SYNGR1: variants seen among roughly 807,000 people sequenced by gnomAD.
SYNGR1 encodes the protein synaptogyrin-1.
Under a neutral mutation model 26.1 loss-of-function variants are expected in SYNGR1, and 14 were observed. The ratio of observed to expected loss-of-function variants is 0.54; its 90% CI spans 0.35 to 0.84. The LOEUF (loss-of-function observed/expected upper bound fraction) is 0.84, where lower values mean the gene tolerates loss of function less well. Among genes scored for constraint, SYNGR1 ranks in the 40% least tolerant of loss-of-function variants. The probability of loss-of-function intolerance (pLI) is 0.01; values close to 1 mark genes in which losing one functional copy is unlikely to be tolerated. For missense variants in SYNGR1, 319 were observed against 332.9 expected, an observed-to-expected ratio of 0.96 and a Z score of 0.33; for synonymous variants, 141 against 150.1, an observed-to-expected ratio of 0.94 and a Z score of 0.44.
chr22:39,367,959 C>G (rs1924843728), intron 1 of SYNGR1, among the ~76,000 whole-genome samples: 1 of 152,196 alleles, frequency 6.6e-6, no homozygotes, highest in Non-Finnish European at 1.5e-5. Flanking sequence ...AAAACCTTTT[C>G]CTGCCTTCAG....
intron 1 of SYNGR1, among the ~76,000 whole-genome samples, chr22:39,372,531 A>G (rs1041274273): frequency 9.2e-4 from 126 of 137,080 alleles, no homozygotes; most frequent in African/African-American, 3.4e-3. Context: ...GCTCACTGCA[A>G]CCTCCGCCCA....
intron 3 of SYNGR1, chr22:39,377,379 G>A (rs1015116698): frequency 1.0e-6 from 1 of 985,430 alleles, no homozygotes; most frequent in East Asian, 1.1e-4. Flanking sequence ...GGTGACCCCA[G>A]GGGATCTCAG....
chr22:39,350,173 G>C lies in SYNGR1; in HGVS notation c.99+64G>C. On this transcript the variant is annotated intron_variant, in intron 1 of 3. Transcript: ENST00000328933. The surrounding 1 kb of genome is among the most constrained non-coding windows in gnomAD (Gnocchi z 4.3). The stretch of plus-strand genomic sequence containing the variant: ...TGGTGGGGGTGTGAGCAAAGGCGGC[G>C]CGCCCGGACCGACCCCGACCCCGAC... 8.4e-7 allele frequency: 1 copy of C among 1,194,530 alleles called. No homozygotes were observed. Among genetic ancestry groups the C allele is most frequent in the Non-Finnish European group, 1.1e-6 (1 of 934,340 alleles). The allele number at this position is 1,194,530 out of a possible 1,614,324, so 74.0% of individuals were successfully genotyped here.
chr22:39,384,179 T>C lies in SYNGR1; in HGVS notation c.*2265T>C. On this transcript the variant is annotated 3_prime_UTR_variant, in exon 4 of 4. Transcript: ENST00000328933. ...GAGATGTTCTGACCCTCACCCACTGTCCACCAAAAGCCTCTCCTGCTGATG... is the reference window on the plus strand; with the variant it reads ...GAGATGTTCTGACCCTCACCCACTGCCCACCAAAAGCCTCTCCTGCTGATG... 1 of 220,386 alleles carries C rather than the reference T, an allele frequency of 4.5e-6. No individual in the cohort carries two copies. The highest frequency in any genetic ancestry group is 8.9e-6 in the Non-Finnish European group (1 of 112,938). 13.7% of individuals were successfully genotyped at this position (220,386 alleles called of 1,614,324 possible).
At chr22:39,360,572 C>T (rs1924423440) in intron 1 of SYNGR1, among the ~76,000 whole-genome samples, 1 of 152,038 alleles carries the variant, frequency 6.6e-6, no homozygotes, top group African/African-American at 2.4e-5. Context: ...ATGTGGACGC[C>T]CTCACCCCGC....
chr22:39,377,512 G>A lies in SYNGR1; in HGVS notation c.483+1315G>A, dbSNP rs977442490. ...GGTCTGAAGTACCTGACCAACAGGTGCCTGCCCGGCCCCCTGAAGCCAGCC... is the reference window on the plus strand; with the variant it reads ...GGTCTGAAGTACCTGACCAACAGGTACCTGCCCGGCCCCCTGAAGCCAGCC... On this transcript the variant is annotated intron_variant, in intron 3 of 3. Coordinates refer to ENST00000328933, the MANE Select transcript of SYNGR1 (RefSeq NM_004711.5). 5.1e-6 allele frequency: 8 copies of A among 1,560,066 alleles called. No individual in the cohort carries two copies. The African/African-American group carries it at 8.1e-5, about 16-fold the overall frequency.
chr22:39,360,429 G>T (rs912352985), intron 1 of SYNGR1, among the ~76,000 whole-genome samples: 2 of 152,062 alleles, frequency 1.3e-5, no homozygotes, highest in Non-Finnish European at 2.9e-5. Context: ...GCCCCTCCTC[G>T]CCATCTTCTC....
chr22:39,353,673 CG>C (rs1271600936), intron 1 of SYNGR1, among the ~76,000 whole-genome samples: 1 of 152,186 alleles, frequency 6.6e-6, no homozygotes, highest in African/African-American at 2.4e-5. Context: ...ATCTGTTGCG[CG>C]GTGACTGCCG....
chr22:39,350,195 C>T lies in SYNGR1; in HGVS notation c.99+86C>T. ...GGCGCGCCCGGACCGACCCCGACCC[C>T]GACCCCAACGGGCCCCCGGCGGCGG... On this transcript the variant is annotated intron_variant, in intron 1 of 3. Transcript: ENST00000328933. This position sits in a 1 kb window ranked among gnomAD's most constrained non-coding sequence, Gnocchi z 4.3. 1 of 963,730 alleles carries T rather than the reference C, an allele frequency of 1.0e-6. No individual in the cohort carries two copies. The highest frequency in any genetic ancestry group is 1.3e-6 in the Non-Finnish European group (1 of 754,540). The allele number at this position is 963,730 out of a possible 1,614,324, so 59.7% of individuals were successfully genotyped here.
At chr22:39,378,925 T>A (rs1925405295) in intron 3 of SYNGR1, among the ~76,000 whole-genome samples, 1 of 152,160 alleles carries the variant, frequency 6.6e-6, no homozygotes, top group African/African-American at 2.4e-5. Flanking sequence ...ACAGTATGAG[T>A]GCCTACAGCC....
chr22:39,350,677 C>T lies in SYNGR1; in HGVS notation c.99+568C>T, dbSNP rs1176870653. Among the ~76,000 whole-genome samples the T allele has an allele frequency of 2.6e-5, 4 of 152,152 alleles. No homozygotes were observed. The highest frequency in any genetic ancestry group is 4.8e-5 in the African/African-American group (2 of 41,438). On this transcript the variant is annotated intron_variant, in intron 1 of 3. Coordinates refer to ENST00000328933, the MANE Select transcript of SYNGR1 (RefSeq NM_004711.5). This position sits in a 1 kb window ranked among gnomAD's most constrained non-coding sequence, Gnocchi z 4.3. ...CCCGGGAACTGCCTCTCCTTCTCTGCGTGACCTTGGGCTGGGAGCCACCCA... is the reference window on the plus strand; with the variant it reads ...CCCGGGAACTGCCTCTCCTTCTCTGTGTGACCTTGGGCTGGGAGCCACCCA...
At chr22:39,373,620 T>C (rs1051559240) in intron 1 of SYNGR1, among the ~76,000 whole-genome samples, 1 of 151,932 alleles carries the variant, frequency 6.6e-6, no homozygotes, top group Non-Finnish European at 1.5e-5. Context: ...TACCTGAGAC[T>C]ACAGGCACGC....
rs6001570 is a variant in SYNGR1 at position 39,381,560 on chromosome 22, T to G, written c.484-136T>G. 3.3e-3 allele frequency: 2,871 copies of G among 867,226 alleles called. 68 individuals are homozygous for G. The African/African-American group carries it at 0.042, about 13-fold the overall frequency. 53.7% of individuals were successfully genotyped at this position (867,226 alleles called of 1,614,324 possible). ...TCCACAGCCAAGCTTGGTCTCATGT[T>G]TGGTGCTTTGAGGATCTTTAACCCT... On this transcript the variant is annotated intron_variant, in intron 3 of 3. Transcript: ENST00000328933.
At chr22:39,367,523 T>C (rs1331778156) in intron 1 of SYNGR1, among the ~76,000 whole-genome samples, 1 of 152,138 alleles carries the variant, frequency 6.6e-6, no homozygotes, top group Admixed American at 6.5e-5. Context: ...GACCCCAGCC[T>C]TAGAAGCTTG....
intron 1 of SYNGR1, among the ~76,000 whole-genome samples, chr22:39,351,520 C>T (rs1353867314): frequency 6.6e-6 from 1 of 152,244 alleles, no homozygotes; most frequent in African/African-American, 2.4e-5. Flanking sequence ...TCCTGCTCCC[C>T]AGATGCCCCA....
intron 1 of SYNGR1, among the ~76,000 whole-genome samples, chr22:39,358,141 C>T (rs1924262021): frequency 6.6e-6 from 1 of 152,214 alleles, no homozygotes; most frequent in South Asian, 2.1e-4. Context: ...CTGTGTTTAG[C>T]TCAAGGTTTG....
At chr22:39,367,059 A>C (rs11912074) in intron 1 of SYNGR1, among the ~76,000 whole-genome samples, 2 of 152,116 alleles carry the variant, frequency 1.3e-5, no homozygotes, top group Non-Finnish European at 2.9e-5. Context: ...ACTGAGTCAG[A>C]CTTCTGCTCA....
chr22:39,384,511 G>A lies in SYNGR1; in HGVS notation c.*2597G>A, dbSNP rs563297917. The A allele has an allele frequency of 4.8e-4, 193 of 398,834 alleles. 1 individual carries two copies. The Middle Eastern group carries it at 5.0e-3, about 10-fold the overall frequency. The allele number at this position is 398,834 out of a possible 1,614,324, so 24.7% of individuals were successfully genotyped here. On this transcript the variant is annotated 3_prime_UTR_variant, in exon 4 of 4. Transcript: ENST00000328933. ...ACCTGCCCAGGATGGAGATGAGAGA[G>A]GGTGAGAGATGGAGGGCGAGATTTG...
chr22:39,357,805 G>T (rs777914675), intron 1 of SYNGR1, among the ~76,000 whole-genome samples: 1 of 152,352 alleles, frequency 6.6e-6, no homozygotes, highest in Non-Finnish European at 1.5e-5. Context: ...CGCTGCGCTC[G>T]ATTTCTCACT....
Sources: gnomAD v4.1 joint callset for allele counts (sites outside exome capture counted in the v4.1 genomes callset) on GRCh38, gnomAD v4.1.1 for gene constraint, Gnocchi (gnomAD v3.1) non-coding constraint, MANE v1.5 for transcripts, NCBI Gene and HGNC (gene_info 2026-07-23, HGNC 2026-07-21) for gene names.